The following DGKB variants were observed in gnomAD, a reference collection of about 807,000 sequenced individuals.
The protein encoded by DGKB is 90 kDa diacylglycerol kinase.
In DGKB, 67 loss-of-function variants were observed where a neutral mutation model predicts 114.3. The observed-to-expected ratio is 0.59, with a 90% CI of 0.48 to 0.72. DGKB has a LOEUF of 0.72. Among genes scored for constraint, DGKB ranks in the 30% least tolerant of loss-of-function variants. The pLI is 0.00. For missense variants in DGKB, 907 were observed against 975.2 expected (o/e 0.93, Z 0.93); for synonymous variants, 398 against 323.1 (o/e 1.23, Z -2.49).
At chr7:14,790,157 C>T (rs979941560) in intron 2 of DGKB, among the ~76,000 whole-genome samples, 3 of 152,054 alleles carry the variant, frequency 2.0e-5, no homozygotes, top group African/African-American at 7.2e-5. Context: ...GTTTTTACTT[C>T]GAATTTTGCG....
Position 14,694,112 on chromosome 7 carries a change from G to A in DGKB, c.674C>T (p.Thr225Ile). 6.3e-7 allele frequency: 1 copy of A among 1,593,046 alleles called. No individual in the cohort carries two copies. Among genetic ancestry groups the A allele is most frequent in the Non-Finnish European group, 8.6e-7 (1 of 1,168,342 alleles). Residue 225 changes from threonine (T) to isoleucine (I), a missense_variant, in exon 9 of 26, where the codon ACA (threonine) becomes ATA (isoleucine). Physicochemically the swap from Thr to Ile is moderately conservative, Grantham distance 89 (BLOSUM62 -1). This residue lies in a region of DGKB where 814 missense variants were observed against 856.6 expected (regional missense o/e 0.95). Transcript: ENST00000402815. Reference protein sequence around the residue: ...SLEEWIQGGMTTIPLLVLLGL... With the variant: ...SLEEWIQGGMITIPLLVLLGL... The stretch of plus-strand genomic sequence containing the variant: ...CAGGAGCACAAGAAGTGGAATCGTT[G>A]TCATTCCTCCTTGAATCCATTCCTC...
intron 21 of DGKB, among the ~76,000 whole-genome samples, chr7:14,364,419 AAAGG>A (rs549438126): frequency 4.9e-4 from 75 of 151,806 alleles, no homozygotes; most frequent in East Asian, 1.2e-3. Flanking sequence ...AAGAAGGAAG[AAAGG>A]AAGGAAGGAA....
chr7:14,232,461 G>T (rs1347799465), intron 23 of DGKB, among the ~76,000 whole-genome samples: 3 of 150,058 alleles, frequency 2.0e-5, no homozygotes, highest in Non-Finnish European at 4.4e-5. Context: ...TATTTGTTTT[G>T]AACTTAGGAT....
intron 4 of DGKB, among the ~76,000 whole-genome samples, chr7:14,747,943 C>T (rs1833595043): frequency 6.6e-6 from 1 of 152,154 alleles, no homozygotes; most frequent in Non-Finnish European, 1.5e-5. Context: ...GGCACAGATT[C>T]AAGGCACATT....
At chr7:14,468,921 T>C (rs2128882870) in intron 21 of DGKB, among the ~76,000 whole-genome samples, 1 of 152,146 alleles carries the variant, frequency 6.6e-6, no homozygotes, top group Admixed American at 6.6e-5. Context: ...ATACAAACCC[T>C]AGGAATCGAA....
chr7:14,464,200 G>A (rs1833509316), intron 21 of DGKB, among the ~76,000 whole-genome samples: 1 of 152,024 alleles, frequency 6.6e-6, no homozygotes, highest in African/African-American at 2.4e-5. Flanking sequence ...CATCCAGGTT[G>A]AAATGTAAAA....
chr7:14,434,516 A>G (rs906270639), intron 21 of DGKB, among the ~76,000 whole-genome samples: 2 of 152,114 alleles, frequency 1.3e-5, no homozygotes, highest in Non-Finnish European at 2.9e-5. Context: ...TGCAGATAGA[A>G]GAAAAGGAGC....
At chr7:14,282,870 A>G (rs1170511748) in intron 23 of DGKB, among the ~76,000 whole-genome samples, 1 of 152,152 alleles carries the variant, frequency 6.6e-6, no homozygotes, top group Non-Finnish European at 1.5e-5. Context: ...TTTCAAAATA[A>G]TAAGAGCTAT....
At chr7:14,604,660 C>A (rs1486145591) in intron 17 of DGKB, among the ~76,000 whole-genome samples, 3 of 152,084 alleles carry the variant, frequency 2.0e-5, no homozygotes, top group Admixed American at 6.6e-5. Flanking sequence ...AGAGCAACTT[C>A]TAACGCCATA....
At chr7:14,386,652 C>G (rs1237843419) in intron 21 of DGKB, among the ~76,000 whole-genome samples, 1 of 152,164 alleles carries the variant, frequency 6.6e-6, no homozygotes, top group Non-Finnish European at 1.5e-5. Context: ...TGCCCTCAGT[C>G]TACAGTAATT....
At chr7:14,966,010 T>C (rs1787125863) in intron 1 of DGKB, among the ~76,000 whole-genome samples, 1 of 152,116 alleles carries the variant, frequency 6.6e-6, no homozygotes, top group Non-Finnish European at 1.5e-5. Flanking sequence ...ATAGGTTTAT[T>C]GACAATAATT....
In DGKB at chr7:14,574,212, C is replaced by T; in HGVS notation, c.1770G>A (p.Val590=). The change falls in exon 20 of 26, where the codon GTG becomes GTA. Residue 590 remains valine, a splice_region_variant and synonymous_variant. Coordinates refer to ENST00000402815, the MANE Select transcript of DGKB (RefSeq NM_001350709.2). Reference sequence around the variant, plus strand: ...GGTAAAATTTAGTGGAGAATCTTACCACGCCAATGGAAAAGTAATTATTGA... The same window carrying T: ...GGTAAAATTTAGTGGAGAATCTTACTACGCCAATGGAAAAGTAATTATTGA... The part of the protein sequence containing the change: ...SIINNYFSIG[V]DASIAHRFHI... The T allele has an allele frequency of 1.2e-6, 2 of 1,611,026 alleles. No individual in the cohort carries two copies. Among genetic ancestry groups the T allele is most frequent in the Non-Finnish European group, 1.7e-6 (2 of 1,178,534 alleles).
At chr7:14,289,717 T>C (rs1202529976) in intron 23 of DGKB, among the ~76,000 whole-genome samples, 1 of 81,072 alleles carries the variant, frequency 1.2e-5, no homozygotes, top group Non-Finnish European at 2.7e-5. Context: ...TTAAAATAAA[T>C]AAGGCAAACA....
Position 14,919,984 on chromosome 7 carries a change from C to T in DGKB, c.-188+54712G>A, listed in dbSNP as rs138652023. ...CTGCAAACCATGAGCCAAAATAAAC[C>T]TCGTTCCTATATAAATTACCCTGTC... On this transcript the variant is annotated intron_variant, in intron 1 of 4. Coordinates refer to the DGKB transcript ENST00000437998. Among the ~76,000 whole-genome samples, 271 of 152,264 alleles carry T rather than the reference C, an allele frequency of 1.8e-3. 1 individual carries two copies. The highest frequency in any genetic ancestry group is 6.4e-3 in the African/African-American group (264 of 41,552).
intron 22 of DGKB, among the ~76,000 whole-genome samples, chr7:14,340,752 G>C (rs554916893): frequency 4.2e-4 from 64 of 151,740 alleles, no homozygotes; most frequent in Non-Finnish European, 8.4e-4. Flanking sequence ...AATTTATAAA[G>C]GTCTGGCTTC....
chr7:14,823,942 A>G (rs955740373), intron 2 of DGKB, among the ~76,000 whole-genome samples: 3 of 152,186 alleles, frequency 2.0e-5, no homozygotes, highest in Non-Finnish European at 2.9e-5. Flanking sequence ...TCATTTATAA[A>G]AGAAAGAGGT....
intron 15 of DGKB, among the ~76,000 whole-genome samples, chr7:14,613,903 A>G (rs1356464563): frequency 6.6e-6 from 1 of 152,098 alleles, no homozygotes; most frequent in African/African-American, 2.4e-5. Flanking sequence ...GAAACTCAAT[A>G]AGATCCTTTG....
At chr7:14,582,436 T>C (rs1240953882) in intron 18 of DGKB, among the ~76,000 whole-genome samples, 1 of 152,196 alleles carries the variant, frequency 6.6e-6, no homozygotes, top group African/African-American at 2.4e-5. Flanking sequence ...CAATATAGAA[T>C]AAGGCTTAAC....
intron 1 of DGKB, among the ~76,000 whole-genome samples, chr7:14,952,690 A>T (rs922023737): frequency 4.6e-5 from 7 of 152,124 alleles, no homozygotes; most frequent in Admixed American, 4.6e-4. Flanking sequence ...TGGGAGGAAG[A>T]GGTTGCAGCA....
Sources: allele counts gnomAD v4.1 joint callset (sites outside exome capture counted in the v4.1 genomes callset), GRCh38; gene constraint gnomAD v4.1.1; regional missense constraint gnomAD v4.1.1; transcripts MANE v1.5; gene names NCBI Gene and HGNC (gene_info 2026-07-23, HGNC 2026-07-21).